SLMAP: variants seen among roughly 807,000 people sequenced by gnomAD.
The protein encoded by SLMAP is sarcolemma associated protein, also known as sarcolemmal membrane-associated protein.
A neutral mutation model predicts 128.8 loss-of-function variants in SLMAP; 44 were observed. The observed-to-expected ratio is 0.34, with a 90% confidence interval of 0.27 to 0.44. SLMAP has a LOEUF of 0.44. Among genes scored for constraint, SLMAP ranks in the 20% least tolerant of loss-of-function variants. The probability of loss-of-function intolerance (pLI) is 1.00; values close to 1 mark genes in which losing one functional copy is unlikely to be tolerated. For missense variants in SLMAP, 787 were observed against 985.3 expected (o/e 0.80, Z 2.69); for synonymous variants, 327 against 348.8 (o/e 0.94, Z 0.70).
At chr3:57,889,996 C>G (rs958566830) in intron 14 of SLMAP, 45 bp from the exon 15 acceptor site, 1 of 1,363,548 alleles carries the variant, frequency 7.3e-7, no homozygotes, top group African/African-American at 1.4e-5. Context: ...CAGGGAAATG[C>G]TGCTCAGTTT....
At chr3:57,759,041 G>A (rs1054327695) in intron 2 of SLMAP, among the ~76,000 whole-genome samples, 1 of 152,158 alleles carries the variant, frequency 6.6e-6, no homozygotes, top group Admixed American at 6.5e-5. Context: ...TGATACTTCG[G>A]CAGCTACTGA....
intron 2 of SLMAP, among the ~76,000 whole-genome samples, chr3:57,772,645 ATT>A (rs534768684): frequency 6.9e-6 from 1 of 145,328 alleles, no homozygotes; most frequent in African/African-American, 2.5e-5. Context: ...CTTTTTTTTA[ATT>A]TTTTTTTTTT....
intron 14 of SLMAP, among the ~76,000 whole-genome samples, chr3:57,874,401 A>C (rs1209285771): frequency 6.6e-6 from 1 of 152,112 alleles, no homozygotes; most frequent in Admixed American, 6.5e-5. Context: ...AAGAATGTCT[A>C]CTCAGTTACA....
At chr3:57,919,445 A>T in intron 22 of SLMAP, among the ~76,000 whole-genome samples, 1 of 152,108 alleles carries the variant, frequency 6.6e-6, no homozygotes, top group Middle Eastern at 3.4e-3. Flanking sequence ...TATCATCTTT[A>T]TATTTGACTT....
chr3:57,773,630 C>G (rs1037160234), intron 2 of SLMAP, among the ~76,000 whole-genome samples: 3 of 152,102 alleles, frequency 2.0e-5, no homozygotes, highest in African/African-American at 4.8e-5. Flanking sequence ...TCTCGATAAC[C>G]CAATAACTAA....
At chr3:57,826,580 TTG>T (rs1324034525) in intron 2 of SLMAP, among the ~76,000 whole-genome samples, 1 of 152,214 alleles carries the variant, frequency 6.6e-6, no homozygotes, top group Non-Finnish European at 1.5e-5. Flanking sequence ...CTTGTCTCTA[TTG>T]TCCCTGTTCT....
At chr3:57,924,816 T>C (rs1307437962) in intron 23 of SLMAP, among the ~76,000 whole-genome samples, 2 of 151,988 alleles carry the variant, frequency 1.3e-5, no homozygotes, top group African/African-American at 4.8e-5. Flanking sequence ...AAAAATTTGT[T>C]AGAGGGATAA....
At chr3:57,818,422 TG>T (rs1361744058) in intron 2 of SLMAP, among the ~76,000 whole-genome samples, 1 of 152,228 alleles carries the variant, frequency 6.6e-6, no homozygotes, top group Non-Finnish European at 1.5e-5. Context: ...CCCAAAGTGC[TG>T]GGATTACAGG....
chr3:57,763,259 A>C (rs920315845), intron 2 of SLMAP, among the ~76,000 whole-genome samples: 8 of 151,122 alleles, frequency 5.3e-5, no homozygotes, highest in Non-Finnish European at 1.0e-4. Context: ...TCTCACGTTT[A>C]ATTTAAACTT....
chr3:57,922,021 G>A lies in SLMAP; in HGVS notation c.2311-868G>A, dbSNP rs142340575. Reference sequence around the variant, plus strand: ...TGCCCAGCCAATGCCTGTTTTAAGTGGAGAAATAGAAATTTCCCAATCATA... The same window carrying A: ...TGCCCAGCCAATGCCTGTTTTAAGTAGAGAAATAGAAATTTCCCAATCATA... On this transcript the variant is annotated intron_variant, in intron 22 of 24. Coordinates refer to ENST00000671191, the MANE Select transcript of SLMAP (RefSeq NM_001377540.1). 3.6e-4 allele frequency among the ~76,000 whole-genome samples: 55 copies of A among 152,244 alleles called. No individual in the cohort carries two copies. In the East Asian group the frequency reaches 6.9e-3, roughly 19 times the overall value.
chr3:57,928,511 T>C lies in SLMAP; in HGVS notation c.*1222T>C, dbSNP rs950669385. 1 of 152,232 alleles carries C rather than the reference T, an allele frequency of 6.6e-6. No homozygotes were observed. The highest frequency in any genetic ancestry group is 1.5e-5 in the Non-Finnish European group (1 of 68,034). The allele number at this position is 152,232 out of a possible 1,614,324, so 9.4% of individuals were successfully genotyped here. On this transcript the variant is annotated 3_prime_UTR_variant, in exon 25 of 25. Coordinates refer to ENST00000671191, the MANE Select transcript of SLMAP (RefSeq NM_001377540.1). ...ACTATTCCCAAGATTAATAGTGTTC[T>C]ATGCACAATGAAGCACCTAAAAACA...
chr3:57,781,954 G>T (rs1021381843), intron 2 of SLMAP, among the ~76,000 whole-genome samples: 17 of 151,970 alleles, frequency 1.1e-4, no homozygotes, highest in Admixed American at 7.9e-4. Flanking sequence ...GGCTGGTCTC[G>T]AATTCCTGAC....
intron 17 of SLMAP, chr3:57,899,793 A>G (rs1197840159): frequency 6.6e-6 from 1 of 152,190 alleles, no homozygotes; most frequent in Admixed American, 6.5e-5. Flanking sequence ...CAGACTGTCA[A>G]GTCAGTCAGT....
intron 2 of SLMAP, among the ~76,000 whole-genome samples, chr3:57,827,265 T>C (rs2092990007): frequency 6.6e-6 from 1 of 152,172 alleles, no homozygotes; most frequent in African/African-American, 2.4e-5. Flanking sequence ...AAAGAATCAG[T>C]GTATCATTAT....
intron 6 of SLMAP, among the ~76,000 whole-genome samples, chr3:57,851,365 T>C (rs77100753): frequency 3.3e-5 from 5 of 151,918 alleles, no homozygotes. Context: ...TTTTTTTTTT[T>C]TTCTGGTTTT....
chr3:57,896,616 G>A, intron 16 of SLMAP, 25 bp downstream of exon 16: 1 of 1,553,470 alleles, frequency 6.4e-7, no homozygotes, highest in Non-Finnish European at 8.8e-7. Context: ...AATGTTTACA[G>A]ACCTGCAGCT....
At chr3:57,789,359 G>A (rs1363415226) in intron 2 of SLMAP, among the ~76,000 whole-genome samples, 2 of 152,098 alleles carry the variant, frequency 1.3e-5, no homozygotes, top group Admixed American at 1.3e-4. Flanking sequence ...CAGTGTGAGG[G>A]TAAGTGGTTG....
At chr3:57,919,600 G>T (rs2096877652) in intron 22 of SLMAP, among the ~76,000 whole-genome samples, 4 of 151,852 alleles carry the variant, frequency 2.6e-5, no homozygotes. Flanking sequence ...TTCGAGACCA[G>T]CCTGATCAAC....
At chr3:57,769,445 G>A (rs1477212425) in intron 2 of SLMAP, among the ~76,000 whole-genome samples, 1 of 151,932 alleles carries the variant, frequency 6.6e-6, no homozygotes, top group Non-Finnish European at 1.5e-5. Context: ...CGCCCGCCTT[G>A]GCCTCCCAAA....
Sources: allele counts gnomAD v4.1 joint callset (sites outside exome capture counted in the v4.1 genomes callset), GRCh38; gene constraint gnomAD v4.1.1; transcripts MANE v1.5; gene names NCBI Gene and HGNC (gene_info 2026-07-23, HGNC 2026-07-21).